The following KDM2A variants were observed in gnomAD, a reference collection of about 807,000 sequenced individuals.
KDM2A encodes the protein lysine demethylase 2A.
KDM2A carries 3 observed loss-of-function variants against 137.3 expected under a neutral mutation model. The ratio of observed to expected loss-of-function variants is 0.02; its 90% confidence interval spans 0.01 to 0.06. KDM2A has a LOEUF of 0.06. Among genes scored for constraint, KDM2A ranks in the 10% least tolerant of loss-of-function variants. The pLI is 1.00. For missense variants in KDM2A, 738 were observed against 1,510.6 expected (o/e 0.49, Z 8.48); for synonymous variants, 512 against 541.5 (o/e 0.95, Z 0.76).
chr11:67,194,412 A>G (rs897924736), intron 5 of KDM2A, among the ~76,000 whole-genome samples: 2 of 152,214 alleles, frequency 1.3e-5, no homozygotes, highest in African/African-American at 2.4e-5. Context: ...TCCTGTGTCA[A>G]TGGCACATCT....
intron 2 of KDM2A, among the ~76,000 whole-genome samples, chr11:67,122,007 C>T (rs898717558): frequency 6.6e-6 from 1 of 152,136 alleles, no homozygotes; most frequent in African/African-American, 2.4e-5. Context: ...TCCTTTAAGC[C>T]ATGCTTTCCT....
At chr11:67,251,788 C>T (rs1859436002) in intron 17 of KDM2A, among the ~76,000 whole-genome samples, 1 of 152,242 alleles carries the variant, frequency 6.6e-6, no homozygotes, top group Non-Finnish European at 1.5e-5. Context: ...TTGTTTCAGT[C>T]TCTAAATAGA....
chr11:67,165,125 T>C (rs1406427407), intron 2 of KDM2A, among the ~76,000 whole-genome samples: 1 of 141,890 alleles, frequency 7.0e-6, no homozygotes, highest in Non-Finnish European at 1.5e-5. Context: ...GAATACCAAC[T>C]TTTTTTTTTT....
intron 5 of KDM2A, among the ~76,000 whole-genome samples, chr11:67,184,632 A>G (rs1489741997): frequency 1.3e-5 from 2 of 152,166 alleles, no homozygotes; most frequent in African/African-American, 4.8e-5. Flanking sequence ...TCTCAAAAAA[A>G]GGTGAGTGGA....
At chr11:67,149,856 G>T (rs1856345809) in intron 2 of KDM2A, among the ~76,000 whole-genome samples, 1 of 151,958 alleles carries the variant, frequency 6.6e-6, no homozygotes, top group Non-Finnish European at 1.5e-5. Flanking sequence ...AAGTAGCTGG[G>T]ATTACAGGCA....
chr11:67,156,065 T>G (rs1388979985), intron 2 of KDM2A, among the ~76,000 whole-genome samples: 1 of 137,706 alleles, frequency 7.3e-6, no homozygotes, highest in Non-Finnish European at 1.5e-5. Flanking sequence ...GCCTGACCAA[T>G]GTGGAGAAAC....
At chr11:67,145,615 T>C (rs1424588462) in intron 2 of KDM2A, among the ~76,000 whole-genome samples, 1 of 152,048 alleles carries the variant, frequency 6.6e-6, no homozygotes, top group Non-Finnish European at 1.5e-5. Flanking sequence ...GTTATACTAC[T>C]AAGCAGTAGA....
At chr11:67,164,427 G>A (rs1055968607) in intron 2 of KDM2A, among the ~76,000 whole-genome samples, 4 of 152,044 alleles carry the variant, frequency 2.6e-5, no homozygotes, top group African/African-American at 9.7e-5. Context: ...AGTTTCTCTG[G>A]TGGCTTGTGT....
chr11:67,184,406 T>C (rs1857157296), intron 5 of KDM2A, among the ~76,000 whole-genome samples: 1 of 152,058 alleles, frequency 6.6e-6, no homozygotes, highest in African/African-American at 2.4e-5. Context: ...GAGGCGGGCA[T>C]ATCACGAGGT....
rs919298052 is a variant in KDM2A at position 67,119,869 on chromosome 11, G to A, written c.-264G>A. 6.6e-6 allele frequency: 1 copy of A among 152,100 alleles called. No homozygotes were observed. 9.4% of individuals were successfully genotyped at this position (152,100 alleles called of 1,614,324 possible). ...ACGCCTCCGACTCCCGGTCTCCAAA[G>A]CCAGAAGAGAAGGTTTGATTCAGCA... is the stretch of plus-strand genomic sequence containing the variant. On this transcript the variant is annotated 5_prime_UTR_variant, in exon 1 of 21. Transcript: ENST00000529006.
At chr11:67,183,484 C>G (rs1470478304) in intron 5 of KDM2A, among the ~76,000 whole-genome samples, 1 of 152,230 alleles carries the variant, frequency 6.6e-6, no homozygotes, top group Non-Finnish European at 1.5e-5. Context: ...AGGAACTTTT[C>G]TCCTTACCTA....
At chr11:67,189,928 G>C (rs532601416) in intron 5 of KDM2A, among the ~76,000 whole-genome samples, 4 of 152,144 alleles carry the variant, frequency 2.6e-5, no homozygotes, top group Admixed American at 2.0e-4. Context: ...CTAGAAAAAG[G>C]ACAAACTAAA....
At chr11:67,136,769 A>G (rs908924716) in intron 2 of KDM2A, among the ~76,000 whole-genome samples, 4 of 152,176 alleles carry the variant, frequency 2.6e-5, no homozygotes, top group African/African-American at 9.6e-5. Context: ...AATAATACTA[A>G]GCATTTAACC....
intron 9 of KDM2A, among the ~76,000 whole-genome samples, chr11:67,218,127 G>A (rs1211300180): frequency 6.6e-6 from 1 of 152,162 alleles, no homozygotes; most frequent in African/African-American, 2.4e-5. Flanking sequence ...ATACACGTTT[G>A]GGCTCTGCAT....
chr11:67,235,945 G>C (rs1176831755), intron 12 of KDM2A, among the ~76,000 whole-genome samples: 1 of 152,156 alleles, frequency 6.6e-6, no homozygotes, highest in Admixed American at 6.5e-5. Flanking sequence ...TCTAAAATTG[G>C]AAAGTTGTAT....
rs199555384 is a variant in KDM2A at position 67,221,018 on chromosome 11, G to GA, written c.957+1630dup. Reference sequence around the variant, plus strand: ...CGTCAGCACATTACCTGTCTGACCCGAAAAAAAAAAAAAAAGGTAAAAAAC... The same window carrying GA: ...CGTCAGCACATTACCTGTCTGACCCGAAAAAAAAAAAAAAAAGGTAAAAAAC... On this transcript the variant is annotated intron_variant, in intron 10 of 20. Coordinates refer to ENST00000529006, the MANE Select transcript of KDM2A (RefSeq NM_012308.3). 4.9e-3 allele frequency among the ~76,000 whole-genome samples: 556 copies of GA among 114,380 alleles called. 7 individuals carry two copies. Among genetic ancestry groups the GA allele is most frequent in the Middle Eastern group, 5.2e-3 (1 of 194 alleles). The allele number at this position is 114,380 out of a possible 152,430, so 75.0% of individuals were successfully genotyped here.
intron 2 of KDM2A, among the ~76,000 whole-genome samples, chr11:67,148,375 T>C (rs1390912918): frequency 6.6e-6 from 1 of 151,988 alleles, no homozygotes; most frequent in Non-Finnish European, 1.5e-5. Context: ...GAGCTGTGAT[T>C]GCACCACTGC....
chr11:67,229,227 G>T (rs1242488406), intron 11 of KDM2A, among the ~76,000 whole-genome samples: 1 of 152,148 alleles, frequency 6.6e-6, no homozygotes, highest in African/African-American at 2.4e-5. Flanking sequence ...TTAAAAACTT[G>T]TCCATGATCT....
intron 2 of KDM2A, chr11:67,143,460 A>G (rs977414944): frequency 6.6e-6 from 1 of 152,242 alleles, no homozygotes; most frequent in African/African-American, 2.4e-5. Flanking sequence ...TATATGGTGT[A>G]GTGAATAAGC....
Sources: gnomAD v4.1 joint callset for allele counts (sites outside exome capture counted in the v4.1 genomes callset) on GRCh38, gnomAD v4.1.1 for gene constraint, MANE v1.5 for transcripts, NCBI Gene and HGNC (gene_info 2026-07-23, HGNC 2026-07-21) for gene names.